Variants in SPEF2 observed in about 807,000 individuals in gnomAD.
The protein encoded by SPEF2 is sperm flagella and cilia-associated protein 2.
Under a neutral mutation model 224.6 loss-of-function variants are expected in SPEF2, and 187 were observed. That is an observed-to-expected ratio of 0.83 (90% CI 0.74 to 0.94). SPEF2 has a LOEUF of 0.94. SPEF2 is among the 40% of genes least tolerant of loss of function. The pLI, the probability that SPEF2 is intolerant of heterozygous loss-of-function variation, is 0.00. For synonymous variants in SPEF2, 715 were observed against 707.3 expected, an observed-to-expected ratio of 1.01 and a Z score of -0.17; for missense variants, 2,170 against 2,135.6, an observed-to-expected ratio of 1.02 and a Z score of -0.32.
intron 21 of SPEF2, among the ~76,000 whole-genome samples, chr5:35,738,515 T>C (rs963702532): frequency 6.0e-5 from 9 of 150,008 alleles, no homozygotes; most frequent in Admixed American, 5.9e-4. Flanking sequence ...TCAAAGATCA[T>C]TGTTAGTAGC....
At chr5:35,680,475 C>T (rs937919197) in intron 10 of SPEF2, among the ~76,000 whole-genome samples, 4 of 152,038 alleles carry the variant, frequency 2.6e-5, no homozygotes, top group Admixed American at 6.6e-5. Flanking sequence ...TCATTTATTC[C>T]GTTCACATAT....
In SPEF2 at chr5:35,700,195, A is replaced by G. The variant is rs923168775; in HGVS notation, c.2142-301A>G. 1.4e-5 allele frequency: 4 copies of G among 287,626 alleles called. No individual in the cohort carries two copies. The South Asian group carries it at 3.2e-4, about 23-fold the overall frequency. The allele number at this position is 287,626 out of a possible 1,614,324, so 17.8% of individuals were successfully genotyped here. A position where few individuals can be genotyped will look rare whatever the true frequency, so the allele number is the denominator to read the frequency against. Reference sequence around the variant, plus strand: ...AAATCTCTTTCTTTGTAAATTGCCCAGTCTTGGGTATGTCTTTATCAGCAG... The same window carrying G: ...AAATCTCTTTCTTTGTAAATTGCCCGGTCTTGGGTATGTCTTTATCAGCAG... On this transcript the variant is annotated intron_variant, in intron 15 of 36. Transcript: ENST00000356031.
rs765918254 is a variant in SPEF2, at chr5:35,700,631, C to G, written c.2277C>G (p.Ser759=). 3.1e-6 allele frequency: 5 copies of G among 1,613,804 alleles called. No homozygotes were observed. In the Admixed American group the frequency reaches 8.3e-5, roughly 27 times the overall value. ...TEVERKKAQK[S]TLAIDPATSK... The stretch of plus-strand genomic sequence containing the variant: ...TGGAAAGAAAAAAAGCACAAAAATC[C>G]ACATTGGCTATTGATCCTGCGACTT... The change falls in exon 16 of 37, where the codon TCC becomes TCG. Residue 759 remains serine, a synonymous_variant. Coordinates refer to ENST00000356031, the MANE Select transcript of SPEF2 (RefSeq NM_024867.4).
At chr5:35,670,921 A>G (rs1245375261) in intron 10 of SPEF2, 1 of 985,274 alleles carries the variant, frequency 1.0e-6, no homozygotes, top group Non-Finnish European at 1.2e-6. Context: ...AGCTGAGTGC[A>G]CTTCATGTTG....
chr5:35,811,257 G>A (rs888865221), intron 36 of SPEF2, among the ~76,000 whole-genome samples: 2 of 152,060 alleles, frequency 1.3e-5, no homozygotes, highest in African/African-American at 4.8e-5. Context: ...CAACCACAGT[G>A]ATGTCATCTG....
In SPEF2 at chr5:35,776,497, T is replaced by C. The variant is rs1206525089; in HGVS notation, c.4217+102T>C. The C allele has an allele frequency of 2.1e-6, 3 of 1,396,818 alleles. No individual in the cohort carries two copies. In the African/African-American group the frequency reaches 4.4e-5, roughly 20 times the overall value. 86.5% of individuals were successfully genotyped at this position (1,396,818 alleles called of 1,614,324 possible). ...TTTACAAATTTAAGTTAGTTACAAATATAAATTTTGGCCTTTTAGGAAATC... is the reference window on the plus strand; with the variant it reads ...TTTACAAATTTAAGTTAGTTACAAACATAAATTTTGGCCTTTTAGGAAATC... On this transcript the variant is annotated intron_variant, in intron 29 of 36. Coordinates refer to ENST00000356031, the MANE Select transcript of SPEF2 (RefSeq NM_024867.4).
intron 2 of SPEF2, among the ~76,000 whole-genome samples, chr5:35,640,827 C>T (rs925774764): frequency 6.6e-6 from 1 of 152,124 alleles, no homozygotes; most frequent in Non-Finnish European, 1.5e-5. Context: ...TATTGCATCA[C>T]TATTTTTGTT....
At chr5:35,812,087 C>T (rs188121391) in intron 36 of SPEF2, among the ~76,000 whole-genome samples, 2 of 152,224 alleles carry the variant, frequency 1.3e-5, no homozygotes, top group African/African-American at 4.8e-5. Context: ...CGCACCTGGC[C>T]TCCCATTACT....
chr5:35,642,082 A>G (rs1580087789), intron 3 of SPEF2, among the ~76,000 whole-genome samples: 1 of 152,076 alleles, frequency 6.6e-6, no homozygotes, highest in African/African-American at 2.4e-5. Flanking sequence ...TCCTGTTTCT[A>G]CCCCATCATA....
At chr5:35,745,922 A>G (rs531744711) in intron 23 of SPEF2, among the ~76,000 whole-genome samples, 2 of 152,046 alleles carry the variant, frequency 1.3e-5, no homozygotes, top group Non-Finnish European at 2.9e-5. Context: ...AGTCCATTGC[A>G]CTCCCTCACC....
intron 7 of SPEF2, among the ~76,000 whole-genome samples, chr5:35,657,039 C>T (rs1452489653): frequency 1.3e-5 from 2 of 152,218 alleles, no homozygotes; most frequent in Non-Finnish European, 2.9e-5. Context: ...TCCATCCATT[C>T]TCCTCTCCTC....
chr5:35,619,411 G>A (rs565722555), intron 1 of SPEF2, among the ~76,000 whole-genome samples: 1 of 152,200 alleles, frequency 6.6e-6, no homozygotes, highest in South Asian at 2.1e-4. Context: ...GGCCGGGTGC[G>A]GTGGCTCACG....
At chr5:35,691,604 G>A (rs909604912) in intron 11 of SPEF2, among the ~76,000 whole-genome samples, 1 of 152,112 alleles carries the variant, frequency 6.6e-6, no homozygotes, top group African/African-American at 2.4e-5. Context: ...CAGGGGTAGG[G>A]GAATGAGGAG....
chr5:35,670,523 C>A (rs1341090730), intron 10 of SPEF2: 2 of 1,032,822 alleles, frequency 1.9e-6, no homozygotes, highest in African/African-American at 1.7e-5. Flanking sequence ...TATTTATTAG[C>A]ATTTTTCTTT....
At chr5:35,775,735 T>G (rs981473294) in intron 28 of SPEF2, among the ~76,000 whole-genome samples, 2 of 151,870 alleles carry the variant, frequency 1.3e-5, no homozygotes, top group African/African-American at 4.8e-5. Context: ...AAGTGAGAGA[T>G]AATCAGCACC....
At chr5:35,658,087 T>C (rs183071020) in intron 7 of SPEF2, among the ~76,000 whole-genome samples, 1 of 152,236 alleles carries the variant, frequency 6.6e-6, no homozygotes, top group Admixed American at 6.5e-5. Context: ...ATGATGTCTC[T>C]GTTTCGAAAG....
intron 6 of SPEF2, among the ~76,000 whole-genome samples, chr5:35,651,013 A>G (rs1308028671): frequency 6.6e-6 from 1 of 152,216 alleles, no homozygotes; most frequent in African/African-American, 2.4e-5. Flanking sequence ...TCAAGGTTAC[A>G]TTCATGATAC....
chr5:35,637,336 T>C (rs1391224150), intron 2 of SPEF2, among the ~76,000 whole-genome samples: 1 of 152,190 alleles, frequency 6.6e-6, no homozygotes, highest in African/African-American at 2.4e-5. Context: ...GAGGAACCGA[T>C]TTTTGGAGGT....
At chr5:35,779,046 C>A in intron 29 of SPEF2, 71 bp from the exon 30 acceptor site, 1 of 1,188,494 alleles carries the variant, frequency 8.4e-7, no homozygotes, top group Non-Finnish European at 1.2e-6. Context: ...GTGTATATGT[C>A]TTATAAGCAA....
Sources: gnomAD v4.1 joint callset for allele counts (sites outside exome capture counted in the v4.1 genomes callset) on GRCh38, gnomAD v4.1.1 for gene constraint, MANE v1.5 for transcripts, NCBI Gene and HGNC (gene_info 2026-07-23, HGNC 2026-07-21) for gene names.